The following MEGF6 variants were observed in gnomAD, a reference collection of about 807,000 sequenced individuals.
The protein encoded by MEGF6 is multiple EGF like domains 6, also known as multiple epidermal growth factor-like domains protein 6.
Under a neutral mutation model 207.1 loss-of-function variants are expected in MEGF6, and 184 were observed. That is an observed-to-expected ratio of 0.89 (90% CI 0.79 to 1.00). MEGF6 has a LOEUF of 1.00. MEGF6 is among the 50% of genes least tolerant of loss of function. MEGF6 has a pLI of 0.00. For missense variants in MEGF6, 2,282 were observed against 2,202.9 expected (o/e 1.04, Z -0.72); for synonymous variants, 1,038 against 910.0 (o/e 1.14, Z -2.53).
At chr1:3,522,966 G>A (rs541587920) in intron 5 of MEGF6, among the ~76,000 whole-genome samples, 26 of 152,302 alleles carry the variant, frequency 1.7e-4, no homozygotes, top group African/African-American at 5.3e-4. Context: ...TCCGTTGTCC[G>A]GAAGCACATC....
chr1:3,492,850 C>G (rs186003843), intron 34 of MEGF6, 83 bp from the exon 35 acceptor site: 2 of 1,531,782 alleles, frequency 1.3e-6, no homozygotes, highest in Non-Finnish European at 1.8e-6. Context: ...TAGGGGCCCG[C>G]GGCAGAGCCC....
At chr1:3,516,046 G>C (rs1166064696) in intron 5 of MEGF6, among the ~76,000 whole-genome samples, 1 of 152,194 alleles carries the variant, frequency 6.6e-6, no homozygotes, top group Non-Finnish European at 1.5e-5. Flanking sequence ...CACAGGCTTG[G>C]CCCCCAGTTC....
intron 35 of MEGF6, 53 bp downstream of exon 35, chr1:3,492,586 A>C (rs909970894): frequency 1.9e-6 from 3 of 1,592,746 alleles, no homozygotes; most frequent in Non-Finnish European, 2.6e-6. Flanking sequence ...GGTGGAGCTG[A>C]GGCTGATTGG....
intron 4 of MEGF6, among the ~76,000 whole-genome samples, chr1:3,533,739 G>T (rs1023581382): frequency 6.6e-6 from 1 of 152,150 alleles, no homozygotes; most frequent in Non-Finnish European, 1.5e-5. Flanking sequence ...CCCAGTACTC[G>T]GCGGGAGCCT....
intron 5 of MEGF6, among the ~76,000 whole-genome samples, chr1:3,516,978 A>T (rs1215115193): frequency 6.6e-6 from 1 of 152,168 alleles, no homozygotes; most frequent in Non-Finnish European, 1.5e-5. Flanking sequence ...AACTGCCCAG[A>T]CAAGATGGGA....
intron 4 of MEGF6, among the ~76,000 whole-genome samples, chr1:3,570,907 C>A (rs1045066082): frequency 4.6e-5 from 7 of 152,192 alleles, no homozygotes; most frequent in Admixed American, 2.6e-4. Context: ...AGTCTCTCCC[C>A]TCCACCAATC....
intron 1 of MEGF6, among the ~76,000 whole-genome samples, chr1:3,605,098 T>A (rs866913283): frequency 6.7e-6 from 1 of 149,272 alleles, no homozygotes; most frequent in African/African-American, 2.5e-5. Flanking sequence ...AAACTCACAC[T>A]CAATCACACA....
At chr1:3,551,403 T>C (rs1250768113) in intron 4 of MEGF6, among the ~76,000 whole-genome samples, 1 of 152,046 alleles carries the variant, frequency 6.6e-6, no homozygotes, top group Non-Finnish European at 1.5e-5. Context: ...TCTCGCCAAA[T>C]TCCAAGTCAA....
At chr1:3,609,413 C>T (rs752237417) in intron 1 of MEGF6, among the ~76,000 whole-genome samples, 2 of 152,214 alleles carry the variant, frequency 1.3e-5, no homozygotes, top group East Asian at 3.9e-4. Context: ...GACAACAGGC[C>T]TGTGGAAGGC....
intron 4 of MEGF6, among the ~76,000 whole-genome samples, chr1:3,558,971 A>G (rs1001859448): frequency 6.6e-6 from 1 of 152,206 alleles, no homozygotes; most frequent in Non-Finnish European, 1.5e-5. Flanking sequence ...GGCTGCAGTG[A>G]GCCATGATTG....
intron 4 of MEGF6, chr1:3,531,216 G>A (rs975049242): frequency 2.2e-5 from 33 of 1,491,994 alleles, no homozygotes; most frequent in African/African-American, 1.5e-5. Flanking sequence ...ACCAGAGCGC[G>A]GCCAGCCCGC....
Position 3,514,676 on chromosome 1 carries a change from C to G in MEGF6, c.731-4G>C. 1 of 1,571,470 alleles carries G rather than the reference C, an allele frequency of 6.4e-7. No homozygotes were observed. The highest frequency in any genetic ancestry group is 8.6e-7 in the Non-Finnish European group (1 of 1,160,698). On this transcript the variant is annotated splice_region_variant and splice_polypyrimidine_tract_variant and intron_variant, in intron 6 of 36. Coordinates refer to ENST00000356575, the MANE Select transcript of MEGF6 (RefSeq NM_001409.4). ...CTGTTGGCACACGGGCTTCTACCTG[C>G]AGCCACGGGCCCGAGGAGGGGGTTG...
Position 3,594,441 on chromosome 1 carries a change from A to AT in MEGF6, c.376+896dup, listed in dbSNP as rs1311699135. 1.3e-5 allele frequency among the ~76,000 whole-genome samples: 2 copies of AT among 152,170 alleles called. No individual in the cohort carries two copies. Among genetic ancestry groups the AT allele is most frequent in the East Asian group, 1.9e-4 (1 of 5,192 alleles). ...AAGACCTTACCTCTAAAAAATAAAC[A>AT]TAAAAAGTAACAAAATAAAAATGTG... On this transcript the variant is annotated intron_variant, in intron 3 of 36. Coordinates refer to ENST00000356575, the MANE Select transcript of MEGF6 (RefSeq NM_001409.4). This position sits in a 1 kb window ranked among gnomAD's most constrained non-coding sequence, Gnocchi z 4.2.
intron 4 of MEGF6, among the ~76,000 whole-genome samples, chr1:3,546,594 AG>A (rs1195608372): frequency 2.5e-4 from 29 of 116,920 alleles, no homozygotes; most frequent in Middle Eastern, 5.4e-3. Flanking sequence ...GCGGGGTGGC[AG>A]TGGGCTGGGA....
At position 3,499,678 on chromosome 1, in the gene MEGF6, C is replaced by A. The variant is rs574253509; in HGVS notation, c.2875G>T (p.Ala959Ser). Residue 959 changes from alanine to serine, a missense_variant, in exon 23 of 37, where the codon GCC (alanine) becomes TCC (serine). Coordinates refer to ENST00000356575, the MANE Select transcript of MEGF6 (RefSeq NM_001409.4). ...AGFFGLDCRS[A>S]CNCTAGAACD... ...GCAGCTCCGGCGGTGCAGTTGCAGG[C>A]ACTGCGACAGTCCAATCCAAAGAAG... 6.2e-7 allele frequency: 1 copy of A among 1,600,820 alleles called. No homozygotes were observed. Among genetic ancestry groups the A allele is most frequent in the Non-Finnish European group, 8.5e-7 (1 of 1,174,816 alleles).
intron 2 of MEGF6, among the ~76,000 whole-genome samples, chr1:3,599,105 C>T (rs1010934336): frequency 1.3e-5 from 2 of 152,240 alleles, no homozygotes; most frequent in African/African-American, 4.8e-5. Context: ...GGGGCTGACG[C>T]CTGCTGCCCT....
intron 2 of MEGF6, among the ~76,000 whole-genome samples, chr1:3,601,695 T>TCAG (rs1644161471): frequency 6.6e-6 from 1 of 152,192 alleles, no homozygotes; most frequent in African/African-American, 2.4e-5. Context: ...CCATTATTGC[T>TCAG]TAACGGTTTT....
chr1:3,577,286 G>T (rs2821054), intron 4 of MEGF6, among the ~76,000 whole-genome samples: 102,511 of 152,096 alleles, frequency 0.67, 35,514 homozygotes, highest in Non-Finnish European at 0.75. Context: ...CAGCCACAGG[G>T]GAGGATGCTC....
intron 4 of MEGF6, among the ~76,000 whole-genome samples, chr1:3,558,963 C>T (rs1024908464): frequency 2.6e-5 from 4 of 152,160 alleles, no homozygotes; most frequent in African/African-American, 9.7e-5. Context: ...GAGTTCAAGG[C>T]TGCAGTGAGC....
Sources: allele counts gnomAD v4.1 joint callset (sites outside exome capture counted in the v4.1 genomes callset), GRCh38; gene constraint gnomAD v4.1.1; non-coding constraint Gnocchi (gnomAD v3.1); transcripts MANE v1.5; gene names NCBI Gene and HGNC (gene_info 2026-07-23, HGNC 2026-07-21).